PDE7A: variants seen among roughly 807,000 people sequenced by gnomAD.
The protein encoded by PDE7A is high affinity 3',5'-cyclic-AMP phosphodiesterase 7A.
In PDE7A, 39 loss-of-function variants were observed where a neutral mutation model predicts 64.3. The observed-to-expected ratio is 0.61, with a 90% confidence interval of 0.47 to 0.79. PDE7A has a LOEUF of 0.79. Among genes scored for constraint, PDE7A ranks in the 30% least tolerant of loss-of-function variants. The pLI is 0.00. For synonymous variants in PDE7A, 203 were observed against 206.8 expected, an observed-to-expected ratio of 0.98 and a Z score of 0.16; for missense variants, 470 against 582.8, an observed-to-expected ratio of 0.81 and a Z score of 1.99.
intron 3 of PDE7A, among the ~76,000 whole-genome samples, chr8:65,757,046 T>C (rs1808267389): frequency 6.6e-6 from 1 of 152,156 alleles, no homozygotes; most frequent in African/African-American, 2.4e-5. Context: ...TGTTCAGCTA[T>C]GTGGAGGCTC....
rs368798153 is a variant in PDE7A at position 65,772,245 on chromosome 8, T to C, written c.283+7475A>G. ...CTAGCTTTAATGAATTTAATACACA[T>C]ATCCAGAATTTTGCAATCAGAACAC... is the stretch of plus-strand genomic sequence containing the variant. On this transcript the variant is annotated intron_variant, in intron 3 of 12. Transcript: ENST00000401827. 1.4e-4 allele frequency among the ~76,000 whole-genome samples: 22 copies of C among 152,310 alleles called. No individual in the cohort carries two copies. In the South Asian group the frequency reaches 4.1e-3, roughly 29 times the overall value.
intron 5 of PDE7A, among the ~76,000 whole-genome samples, chr8:65,741,952 C>G (rs1446192265): frequency 6.6e-6 from 1 of 152,142 alleles, no homozygotes; most frequent in Non-Finnish European, 1.5e-5. Flanking sequence ...CCAAAGGAAT[C>G]TGACAAGAAT....
chr8:65,720,767 A>G (rs1189320332), intron 12 of PDE7A, among the ~76,000 whole-genome samples: 1 of 152,206 alleles, frequency 6.6e-6, no homozygotes, highest in Non-Finnish European at 1.5e-5. Flanking sequence ...AGAGATAACA[A>G]ACATAGAAAA....
chr8:65,835,557 AAAC>A (rs1308565183), intron 1 of PDE7A, among the ~76,000 whole-genome samples: 2 of 152,178 alleles, frequency 1.3e-5, no homozygotes, highest in Non-Finnish European at 2.9e-5. Context: ...CATCCTCAGA[AAAC>A]AACACAATTC....
At chr8:65,764,108 T>C (rs919431571) in intron 3 of PDE7A, among the ~76,000 whole-genome samples, 1 of 152,170 alleles carries the variant, frequency 6.6e-6, no homozygotes, top group Non-Finnish European at 1.5e-5. Context: ...AGTACAGCAG[T>C]GCTAATCTCT....
chr8:65,792,096 A>G (rs1809717321), intron 1 of PDE7A, among the ~76,000 whole-genome samples: 2 of 152,212 alleles, frequency 1.3e-5, no homozygotes, highest in Non-Finnish European at 2.9e-5. Context: ...TTATTATTCT[A>G]TAAAGTTACC....
chr8:65,782,237 A>G (rs1356578705), intron 2 of PDE7A, among the ~76,000 whole-genome samples: 2 of 152,236 alleles, frequency 1.3e-5, no homozygotes, highest in Non-Finnish European at 2.9e-5. Context: ...ATGGATGAAG[A>G]CAGAAATCTG....
chr8:65,788,660 G>C (rs1327439549), intron 1 of PDE7A, among the ~76,000 whole-genome samples: 9 of 151,990 alleles, frequency 5.9e-5, no homozygotes, highest in Non-Finnish European at 1.5e-5. Flanking sequence ...TTGATACTGA[G>C]GAAAGATATT....
intron 7 of PDE7A, among the ~76,000 whole-genome samples, chr8:65,731,107 C>T (rs184276955): frequency 1.4e-3 from 208 of 152,212 alleles, no homozygotes; most frequent in Non-Finnish European, 1.8e-3. Flanking sequence ...AAATTCCTGC[C>T]CTGGAGGCCT....
intron 1 of PDE7A, among the ~76,000 whole-genome samples, chr8:65,808,058 C>G (rs1253000340): frequency 6.6e-6 from 1 of 152,158 alleles, no homozygotes; most frequent in African/African-American, 2.4e-5. Flanking sequence ...GTCTTCCCCA[C>G]CCCCATTCAG....
Position 65,841,436 on chromosome 8 carries a change from C to T in PDE7A, c.73G>A (p.Gly25Arg). ...GAGCTGGAGCTGAAGCTGATGGCTC[C>T]TCGGCGGCTGAGGACGTGCTGGGGG... is the stretch of plus-strand genomic sequence containing the variant. ...PVPQHVLSRR[G>R]AISFSSSSAL... Residue 25 changes from glycine to arginine, a missense_variant, in exon 1 of 13, where the codon GGA becomes AGA. Coordinates refer to ENST00000401827, the MANE Select transcript of PDE7A (RefSeq NM_001242318.3). 6.4e-7 allele frequency: 1 copy of T among 1,564,116 alleles called. No homozygotes were observed. The highest frequency in any genetic ancestry group is 8.6e-7 in the Non-Finnish European group (1 of 1,160,222).
At chr8:65,766,245 C>A (rs566468951) in intron 3 of PDE7A, among the ~76,000 whole-genome samples, 4 of 152,094 alleles carry the variant, frequency 2.6e-5, no homozygotes, top group Non-Finnish European at 5.9e-5. Context: ...CATGCCCAGC[C>A]GAGATGAATT....
At chr8:65,795,945 A>G (rs1809829917) in intron 1 of PDE7A, among the ~76,000 whole-genome samples, 1 of 150,400 alleles carries the variant, frequency 6.6e-6, no homozygotes, top group African/African-American at 2.4e-5. Flanking sequence ...ACATGTACAC[A>G]ATGAAAAAAA....
rs1016684962 is a variant in PDE7A at position 65,717,731 on chromosome 8, A to G, written c.*1559T>C. 3.9e-5 allele frequency: 6 copies of G among 152,260 alleles called. No individual in the cohort carries two copies. The highest frequency in any genetic ancestry group is 7.2e-5 in the African/African-American group (3 of 41,476). 9.4% of individuals were successfully genotyped at this position (152,260 alleles called of 1,614,324 possible). On this transcript the variant is annotated 3_prime_UTR_variant, in exon 13 of 13. Transcript: ENST00000401827. Reference sequence around the variant, plus strand: ...ATCAAAAGTTAACAGCAACAGGCACATATTAAAATGAGTATGGCAAAGCCT... The same window carrying G: ...ATCAAAAGTTAACAGCAACAGGCACGTATTAAAATGAGTATGGCAAAGCCT...
chr8:65,753,803 G>T (rs1204320416), intron 3 of PDE7A, among the ~76,000 whole-genome samples: 2 of 152,060 alleles, frequency 1.3e-5, no homozygotes, highest in Non-Finnish European at 2.9e-5. Context: ...TCCATTGTTA[G>T]ATATACGTAT....
intron 9 of PDE7A, among the ~76,000 whole-genome samples, 180 bp downstream of exon 9, chr8:65,726,695 T>A (rs1806626034): frequency 6.6e-6 from 1 of 152,220 alleles, no homozygotes; most frequent in Non-Finnish European, 1.5e-5. Flanking sequence ...ATTAAAATGT[T>A]ACCGACTATA....
In PDE7A at chr8:65,747,816, G is replaced by T; in HGVS notation, c.284-13C>A. The stretch of plus-strand genomic sequence containing the variant: ...ATTTCAGATTGAGCTGAAATAAAAA[G>T]AATAAAAGGTAAGTATAGCAAGTTA... On this transcript the variant is annotated splice_polypyrimidine_tract_variant and intron_variant, in intron 3 of 12. Coordinates refer to ENST00000401827, the MANE Select transcript of PDE7A (RefSeq NM_001242318.3). The T allele has an allele frequency of 1.3e-6, 2 of 1,584,062 alleles. No homozygotes were observed. Among genetic ancestry groups the T allele is most frequent in the South Asian group, 1.1e-5 (1 of 87,816 alleles).
intron 1 of PDE7A, among the ~76,000 whole-genome samples, chr8:65,819,951 A>C (rs1032022282): frequency 6.6e-6 from 1 of 152,230 alleles, no homozygotes; most frequent in Non-Finnish European, 1.5e-5. Context: ...TCCTCCCCAC[A>C]GACTGAAGTG....
intron 1 of PDE7A, among the ~76,000 whole-genome samples, chr8:65,784,644 CAAAGT>C (rs1809498679): frequency 6.6e-6 from 1 of 151,590 alleles, no homozygotes; most frequent in Non-Finnish European, 1.5e-5. Flanking sequence ...TTATCACAAA[CAAAGT>C]AAAGGATAAA....
Sources: allele counts gnomAD v4.1 joint callset (sites outside exome capture counted in the v4.1 genomes callset), GRCh38; gene constraint gnomAD v4.1.1; transcripts MANE v1.5; gene names NCBI Gene and HGNC (gene_info 2026-07-23, HGNC 2026-07-21).